Variants in CIT observed in about 807,000 individuals in gnomAD.
CIT encodes the protein citron rho-interacting serine/threonine kinase, also known as citron Rho-interacting kinase.
In CIT, 79 loss-of-function variants were observed where a neutral mutation model predicts 272.7. The ratio of observed to expected loss-of-function variants is 0.29; its 90% CI spans 0.24 to 0.35. The LOEUF (loss-of-function observed/expected upper bound fraction) is 0.35, where lower values mean the gene tolerates loss of function less well. Ranked by LOEUF, CIT falls within the 10% of genes least tolerant of loss-of-function variation. The probability of loss-of-function intolerance (pLI) is 1.00; values close to 1 mark genes in which losing one functional copy is unlikely to be tolerated. For missense variants in CIT, 1,909 were observed against 2,618.3 expected (o/e 0.73, Z 5.91); for synonymous variants, 948 against 995.6 (o/e 0.95, Z 0.90).
intron 10 of CIT, among the ~76,000 whole-genome samples, chr12:119,788,169 T>G (rs1384634657): frequency 6.6e-6 from 1 of 152,230 alleles, no homozygotes; most frequent in East Asian, 1.9e-4. Flanking sequence ...AATCTTACTT[T>G]TGGCTAGAAA....
At chr12:119,781,325 T>C (rs1366587043) in intron 13 of CIT, among the ~76,000 whole-genome samples, 1 of 152,242 alleles carries the variant, frequency 6.6e-6, no homozygotes, top group African/African-American at 2.4e-5. Flanking sequence ...AATATTCAGA[T>C]GATAAATATG....
chr12:119,776,394 C>T lies in CIT; in HGVS notation c.1851G>A (p.Gly617=). 6.2e-7 allele frequency: 1 copy of T among 1,613,600 alleles called. No individual in the cohort carries two copies. The highest frequency in any genetic ancestry group is 8.5e-7 in the Non-Finnish European group (1 of 1,179,652). ...TCGCATATTCTCCCACTTCAGGCTT[C>T]CCTTGATCCTTAGCCTGTAATTAAA... is the stretch of plus-strand genomic sequence containing the variant. ...QHKLLKAKDQ[G]KPEVGEYAKL... is the part of the protein sequence containing the mutation. The change falls in exon 15 of 48, where the codon GGG becomes GGA. Residue 617 remains glycine, a synonymous_variant. Transcript: ENST00000392521.
rs1361979543 is a variant in CIT, at chr12:119,857,656, G to C, written c.281C>G (p.Ala94Gly). 1.9e-6 allele frequency: 3 copies of C among 1,614,098 alleles called. No individual in the cohort carries two copies. The highest frequency in any genetic ancestry group is 3.3e-5 in the Admixed American group (2 of 60,012). The change falls in exon 4 of 48, where the codon GCA (alanine) becomes GGA (glycine). Residue 94 changes from alanine (A) to glycine (G), a missense_variant. Transcript: ENST00000392521. ...AAGACTTCTGACTTCGAAGTCCTTT[G>C]CCGAAGGCTGGAGCTCCTGTAACTC... Reference protein sequence around the residue: ...IAELQELQPSAKDFEVRSLVG... With the variant: ...IAELQELQPSGKDFEVRSLVG...
At chr12:119,725,165 A>G (rs1259743936) in intron 28 of CIT, among the ~76,000 whole-genome samples, 1 of 152,070 alleles carries the variant, frequency 6.6e-6, no homozygotes, top group African/African-American at 2.4e-5. Context: ...AGCTCATGCT[A>G]TAATCCTAGC....
intron 9 of CIT, among the ~76,000 whole-genome samples, chr12:119,814,047 T>C (rs2137969941): frequency 6.6e-6 from 1 of 152,324 alleles, no homozygotes; most frequent in South Asian, 2.1e-4. Context: ...TTGTTTTTAC[T>C]TTCAACCCTA....
intron 25 of CIT, among the ~76,000 whole-genome samples, 175 bp downstream of exon 25, chr12:119,734,985 A>G (rs1414593692): frequency 6.6e-6 from 1 of 152,000 alleles, no homozygotes; most frequent in Non-Finnish European, 1.5e-5. Flanking sequence ...AGAACTACAC[A>G]CTTTTAAAAT....
intron 28 of CIT, among the ~76,000 whole-genome samples, chr12:119,727,236 T>C (rs1437946246): frequency 6.6e-6 from 1 of 152,252 alleles, no homozygotes; most frequent in Non-Finnish European, 1.5e-5. Context: ...AGTCTTTTAA[T>C]GTGTTAAATA....
Position 119,718,813 on chromosome 12 carries a change from G to A in CIT, c.3889C>T (p.Pro1297Ser). Reference sequence around the variant, plus strand: ...AGCTTCAGCTCATTGTACTGCAGAGGAACCTGTGTGGGTAAAGCAGGGTCC... The same window carrying A: ...AGCTTCAGCTCATTGTACTGCAGAGAAACCTGTGTGGGTAAAGCAGGGTCC... ...KEDPALPTQV[P>S]LQYNELKLAL... The change falls in exon 31 of 48, where the codon CCT (proline) becomes TCT (serine). Residue 1297 changes from proline to serine, a missense_variant. Physicochemically the swap from Pro to Ser is moderately conservative, Grantham distance 74. This residue lies in a region of CIT where 780 missense variants were observed against 1,067.2 expected (regional missense o/e 0.73). Coordinates refer to ENST00000392521, the MANE Select transcript of CIT (RefSeq NM_001206999.2). This position sits in a 1 kb window ranked among gnomAD's most constrained non-coding sequence, Gnocchi z 4.8. 1 of 1,614,164 alleles carries A rather than the reference G, an allele frequency of 6.2e-7. No homozygotes were observed. The highest frequency in any genetic ancestry group is 8.5e-7 in the Non-Finnish European group (1 of 1,180,028).
intron 25 of CIT, 89 bp from the exon 26 acceptor site, chr12:119,734,446 A>C (rs1157718557): frequency 7.3e-7 from 1 of 1,374,700 alleles, no homozygotes; most frequent in African/African-American, 1.4e-5. Flanking sequence ...AGAAAAGCAC[A>C]AGTTTCTAAC....
intron 13 of CIT, among the ~76,000 whole-genome samples, chr12:119,780,527 G>A (rs1964191747): frequency 6.6e-6 from 1 of 152,138 alleles, no homozygotes; most frequent in Non-Finnish European, 1.5e-5. Flanking sequence ...TGAGGCAGGA[G>A]AATCACTTGA....
In CIT at chr12:119,866,820, T is replaced by A. The variant is rs527711710; in HGVS notation, c.238+2240A>T. 4.9e-4 allele frequency among the ~76,000 whole-genome samples: 75 copies of A among 152,026 alleles called. 1 individual carries two copies. The highest frequency in any genetic ancestry group is 1.6e-3 in the African/African-American group (65 of 41,488). On this transcript the variant is annotated intron_variant, in intron 3 of 47. Coordinates refer to ENST00000392521, the MANE Select transcript of CIT (RefSeq NM_001206999.2). ...AGTGAGACTTTGTCTCAAAAAAAAA[T>A]AAATAAAATGAAATAAAATGCTGTT...
intron 23 of CIT, among the ~76,000 whole-genome samples, chr12:119,747,711 T>A (rs1001252046): frequency 6.6e-6 from 1 of 152,006 alleles, no homozygotes; most frequent in Non-Finnish European, 1.5e-5. Context: ...AGAGTGAGAC[T>A]CCGTCTCAAA....
Position 119,718,443 on chromosome 12 carries a change from G to C in CIT, c.4004-34C>G, listed in dbSNP as rs780566430. 2 of 1,580,362 alleles carry C rather than the reference G, an allele frequency of 1.3e-6. No homozygotes were observed. Among genetic ancestry groups the C allele is most frequent in the African/African-American group, 1.3e-5 (1 of 74,178 alleles). On this transcript the variant is annotated intron_variant, in intron 31 of 47. Coordinates refer to ENST00000392521, the MANE Select transcript of CIT (RefSeq NM_001206999.2). This position sits in a 1 kb window ranked among gnomAD's most constrained non-coding sequence, Gnocchi z 4.8. ...AGACCAGGACAATGCCTTTTGGTTA[G>C]CTGGGTCGCCTAGAGGACCAAACTA...
intron 2 of CIT, among the ~76,000 whole-genome samples, chr12:119,875,401 T>C (rs1478347542): frequency 6.6e-6 from 1 of 152,198 alleles, no homozygotes; most frequent in Non-Finnish European, 1.5e-5. Flanking sequence ...AGTTCAGCTA[T>C]CTACTTCTGC....
At chr12:119,814,391 C>G (rs1268039417) in intron 9 of CIT, among the ~76,000 whole-genome samples, 3 of 152,124 alleles carry the variant, frequency 2.0e-5, no homozygotes, top group Non-Finnish European at 4.4e-5. Flanking sequence ...CTGACTATAG[C>G]TCTTCATTAT....
Position 119,735,442 on chromosome 12 carries a change from C to T in CIT, c.2959-85G>A, listed in dbSNP as rs946196500. On this transcript the variant is annotated intron_variant, in intron 24 of 47. Transcript: ENST00000392521. Reference sequence around the variant, plus strand: ...CTTCTAGGGCTATGGATTTCTGAACCCACGTGACACTGGCAATCAACGTGC... The same window carrying T: ...CTTCTAGGGCTATGGATTTCTGAACTCACGTGACACTGGCAATCAACGTGC... 3.7e-6 allele frequency: 5 copies of T among 1,337,022 alleles called. No homozygotes were observed. The African/African-American group carries it at 5.8e-5, about 15-fold the overall frequency. 82.8% of individuals were successfully genotyped at this position (1,337,022 alleles called of 1,614,324 possible).
At chr12:119,783,637 C>A (rs144190855) in intron 12 of CIT, 20 of 284,612 alleles carry the variant, frequency 7.0e-5, no homozygotes, top group African/African-American at 2.2e-4. Flanking sequence ...TTGCAACTTG[C>A]GGCAAAGATG....
At chr12:119,777,247 T>G (rs1963848852) in intron 13 of CIT, among the ~76,000 whole-genome samples, 1 of 150,060 alleles carries the variant, frequency 6.7e-6, no homozygotes. Flanking sequence ...AGGGCAAGAC[T>G]CCGTCTCAAA....
rs756253547 is a variant in CIT, at chr12:119,697,172, T to A, written c.5882+487A>T. Among the ~76,000 whole-genome samples the A allele has an allele frequency of 3.3e-5, 5 of 152,064 alleles. No individual in the cohort carries two copies. Among genetic ancestry groups the A allele is most frequent in the Non-Finnish European group, 7.4e-5 (5 of 68,006 alleles). On this transcript the variant is annotated intron_variant, in intron 46 of 47. Coordinates refer to ENST00000392521, the MANE Select transcript of CIT (RefSeq NM_001206999.2). The surrounding 1 kb of genome is among the most constrained non-coding windows in gnomAD (Gnocchi z 4.9). ...CTCCCTGCCCCCACCTCGTATCTGA[T>A]GGGAAATCCTCCCTCACCTCCACGT...
Sources: allele counts gnomAD v4.1 joint callset (sites outside exome capture counted in the v4.1 genomes callset), GRCh38; gene constraint gnomAD v4.1.1; regional missense constraint gnomAD v4.1.1; non-coding constraint Gnocchi (gnomAD v3.1); transcripts MANE v1.5; gene names NCBI Gene and HGNC (gene_info 2026-07-23, HGNC 2026-07-21).